BEND4: variants seen among roughly 807,000 people sequenced by gnomAD.
BEND4 encodes BEN domain-containing protein 4.
Under a neutral mutation model 54.7 loss-of-function variants are expected in BEND4, and 27 were observed. That is an observed-to-expected ratio of 0.49 (90% CI 0.36 to 0.68). BEND4 has a LOEUF of 0.68. Among genes scored for constraint, BEND4 ranks in the 30% least tolerant of loss-of-function variants. BEND4 has a pLI of 0.00. For synonymous variants in BEND4, 327 were observed against 299.5 expected, an observed-to-expected ratio of 1.09 and a Z score of -0.95; for missense variants, 702 against 697.2, an observed-to-expected ratio of 1.01 and a Z score of -0.08.
At chr4:42,131,599 C>G (rs1485126199) in intron 3 of BEND4, among the ~76,000 whole-genome samples, 1 of 152,100 alleles carries the variant, frequency 6.6e-6, no homozygotes, top group Non-Finnish European at 1.5e-5. Flanking sequence ...TTTCCATGCA[C>G]AACATTTAGG....
chr4:42,136,670 T>G (rs1014604392), intron 3 of BEND4, among the ~76,000 whole-genome samples: 18 of 152,170 alleles, frequency 1.2e-4, no homozygotes, highest in African/African-American at 4.3e-4. Flanking sequence ...AGTGCTACAG[T>G]TTTTGTATTT....
intron 5 of BEND4, among the ~76,000 whole-genome samples, chr4:42,119,091 A>C (rs1719960543): frequency 6.6e-6 from 1 of 152,172 alleles, no homozygotes; most frequent in African/African-American, 2.4e-5. Context: ...AGCTGCTAAC[A>C]AAAACTACAT....
intron 3 of BEND4, among the ~76,000 whole-genome samples, chr4:42,128,969 A>T (rs1720405777): frequency 6.6e-6 from 1 of 152,226 alleles, no homozygotes; most frequent in Non-Finnish European, 1.5e-5. Context: ...TTATTCAAAT[A>T]GGAAGAGAGG....
intron 3 of BEND4, among the ~76,000 whole-genome samples, chr4:42,136,481 G>C (rs1688562519): frequency 6.6e-6 from 1 of 152,174 alleles, no homozygotes; most frequent in African/African-American, 2.4e-5. Flanking sequence ...TTACCAAAAT[G>C]TATTTGTAAC....
chr4:42,139,493 G>A (rs1292300519), intron 3 of BEND4, among the ~76,000 whole-genome samples: 1 of 150,840 alleles, frequency 6.6e-6, no homozygotes, highest in African/African-American at 2.4e-5. Flanking sequence ...TCCTTGACAG[G>A]TGCCCAAGTG....
At position 42,128,300 on chromosome 4, in the gene BEND4, C is replaced by T. The variant is rs1720364458; in HGVS notation, c.1055-2626G>A. On this transcript the variant is annotated intron_variant, in intron 3 of 5. Transcript: ENST00000502486. ...GAAAACTGGCACGAAACAAGGATGT[C>T]CTCTCTCACCACTCCTATTCAACAC... Among the ~76,000 whole-genome samples, 2 of 152,200 alleles carry T rather than the reference C, an allele frequency of 1.3e-5. 1 individual carries two copies. The highest frequency in any genetic ancestry group is 2.9e-5 in the Non-Finnish European group (2 of 68,040).
At chr4:42,133,414 T>C (rs1476666252) in intron 3 of BEND4, among the ~76,000 whole-genome samples, 1 of 152,182 alleles carries the variant, frequency 6.6e-6, no homozygotes, top group Admixed American at 6.5e-5. Flanking sequence ...TAGACACCAA[T>C]TAACTGACAA....
chr4:42,118,833 T>C (rs1719949089), intron 5 of BEND4, among the ~76,000 whole-genome samples: 1 of 152,172 alleles, frequency 6.6e-6, no homozygotes, highest in Non-Finnish European at 1.5e-5. Context: ...TATGGCTAGT[T>C]TGGCAGGACA....
At chr4:42,140,042 C>T (rs1271515475) in intron 3 of BEND4, among the ~76,000 whole-genome samples, 1 of 152,238 alleles carries the variant, frequency 6.6e-6, no homozygotes, top group Non-Finnish European at 1.5e-5. Context: ...TTGGGTGTCA[C>T]TCACAGGCTA....
chr4:42,146,364 T>A (rs1721081196), intron 2 of BEND4, among the ~76,000 whole-genome samples: 1 of 152,226 alleles, frequency 6.6e-6, no homozygotes, highest in Admixed American at 6.5e-5. Context: ...TGTGAAGGTG[T>A]ATTTGCCAAG....
chr4:42,124,380 A>G (rs1368347984), intron 4 of BEND4, among the ~76,000 whole-genome samples: 1 of 152,154 alleles, frequency 6.6e-6, no homozygotes, highest in Non-Finnish European at 1.5e-5. Context: ...TAAATAGGAA[A>G]CATAACTGAT....
chr4:42,117,771 G>C, intron 5 of BEND4, 36 bp from the exon 6 acceptor site: 1 of 1,415,604 alleles, frequency 7.1e-7, no homozygotes. Flanking sequence ...AAGAGAGAGA[G>C]AAAAAAACAG....
intron 2 of BEND4, among the ~76,000 whole-genome samples, chr4:42,145,434 C>T (rs1473065158): frequency 6.6e-6 from 1 of 152,120 alleles, no homozygotes; most frequent in Non-Finnish European, 1.5e-5. Flanking sequence ...GTGGCTCACA[C>T]CTGTAATCTC....
chr4:42,151,739 G>A lies in BEND4; in HGVS notation c.405C>T (p.Val135=), dbSNP rs1480731579. ...CCGCCGCGCCTGGGCCATACCTGAC[G>A]ACAGCGGCGAACGAAGACGACGAGG... ...AASSSSSFAA[V]VRYGPGAAAA... is the part of the protein sequence containing the mutation. The change falls in exon 2 of 6, where the codon GTC becomes GTT. Residue 135 remains valine (V), a synonymous_variant. Transcript: ENST00000502486. 13 of 1,502,052 alleles carry A rather than the reference G, an allele frequency of 8.7e-6. No individual in the cohort carries two copies. The highest frequency in any genetic ancestry group is 2.2e-5 in the Admixed American group (1 of 45,934). The allele number at this position is 1,502,052 out of a possible 1,614,324, so 93.0% of individuals were successfully genotyped here.
At chr4:42,127,492 T>C (rs749664978) in intron 3 of BEND4, among the ~76,000 whole-genome samples, 1 of 152,142 alleles carries the variant, frequency 6.6e-6, no homozygotes, top group Non-Finnish European at 1.5e-5. Context: ...GATGCCACAG[T>C]GAGGAAGAAT....
At chr4:42,123,699 A>AAAAAAC (rs1553921974) in intron 4 of BEND4, among the ~76,000 whole-genome samples, 7 of 147,576 alleles carry the variant, frequency 4.7e-5, no homozygotes, top group African/African-American at 1.8e-4. Flanking sequence ...ATTCAGAAAA[A>AAAAAAC]AAAAAAAAAA....
chr4:42,132,481 G>A (rs1315680004), intron 3 of BEND4, among the ~76,000 whole-genome samples: 1 of 151,940 alleles, frequency 6.6e-6, no homozygotes, highest in Non-Finnish European at 1.5e-5. Context: ...TTTCAGTGCT[G>A]TTGCCAAAGC....
chr4:42,133,742 C>T (rs575990367), intron 3 of BEND4, among the ~76,000 whole-genome samples: 1 of 152,178 alleles, frequency 6.6e-6, no homozygotes, highest in South Asian at 2.1e-4. Flanking sequence ...GTAGTCCCAG[C>T]TACTTGGGAG....
chr4:42,122,398 G>A (rs1720099320), intron 4 of BEND4, among the ~76,000 whole-genome samples: 1 of 152,198 alleles, frequency 6.6e-6, no homozygotes, highest in African/African-American at 2.4e-5. Context: ...TTCAATGCCA[G>A]ACTCTCAGGG....
Sources: gnomAD v4.1 joint callset for allele counts (sites outside exome capture counted in the v4.1 genomes callset) on GRCh38, gnomAD v4.1.1 for gene constraint, MANE v1.5 for transcripts, NCBI Gene and HGNC (gene_info 2026-07-23, HGNC 2026-07-21) for gene names.